NALF1: variants seen among roughly 807,000 people sequenced by gnomAD.
The protein encoded by NALF1 is NALCN channel auxiliary factor 1.
In NALF1, 3 loss-of-function variants were observed where a neutral mutation model predicts 48.4. The observed-to-expected ratio is 0.06, with a 90% CI of 0.03 to 0.16. The LOEUF is 0.16. NALF1 is among the 10% of genes least tolerant of loss of function. NALF1 has a pLI of 1.00. For synonymous variants in NALF1, 262 were observed against 245.7 expected, an observed-to-expected ratio of 1.07 and a Z score of -0.62; for missense variants, 526 against 571.5, an observed-to-expected ratio of 0.92 and a Z score of 0.81.
At chr13:107,739,329 A>T (rs1258940927) in intron 1 of NALF1, among the ~76,000 whole-genome samples, 1 of 149,760 alleles carries the variant, frequency 6.7e-6, no homozygotes, top group Non-Finnish European at 1.5e-5. Flanking sequence ...GCAAAATAAA[A>T]ATATATATAT....
chr13:107,297,106 C>T (rs574452616), intron 1 of NALF1, among the ~76,000 whole-genome samples: 2 of 152,104 alleles, frequency 1.3e-5, no homozygotes, highest in South Asian at 2.1e-4. Context: ...TTGAGCACCC[C>T]GAGCCTCTCA....
intron 1 of NALF1, among the ~76,000 whole-genome samples, chr13:107,658,112 T>G (rs1251190986): frequency 6.6e-6 from 1 of 152,184 alleles, no homozygotes; most frequent in Non-Finnish European, 1.5e-5. Flanking sequence ...CTTGTAAGAC[T>G]TGACTCTTTA....
intron 1 of NALF1, among the ~76,000 whole-genome samples, chr13:107,824,246 T>C (rs1425849597): frequency 6.6e-6 from 1 of 152,162 alleles, no homozygotes; most frequent in Non-Finnish European, 1.5e-5. Context: ...TGATTGTTAA[T>C]ATAGGGACCA....
chr13:107,187,077 T>C (rs1275178853), intron 2 of NALF1, among the ~76,000 whole-genome samples: 1 of 152,178 alleles, frequency 6.6e-6, no homozygotes, highest in Non-Finnish European at 1.5e-5. Flanking sequence ...ATGCTTCCCA[T>C]CTCTCTGATC....
intron 1 of NALF1, among the ~76,000 whole-genome samples, chr13:107,427,283 C>T (rs779633272): frequency 1.7e-4 from 26 of 151,718 alleles, no homozygotes; most frequent in Non-Finnish European, 3.4e-4. Flanking sequence ...ATAATCCTGG[C>T]TCTAAAATAC....
chr13:107,169,714 C>T lies in NALF1; in HGVS notation c.*783G>A, dbSNP rs1451609503. ...CTGATTCCACCTATTATGGAGAGCA[C>T]TTGTTTGTTCAGCTAAAAAGGAACT... On this transcript the variant is annotated 3_prime_UTR_variant, in exon 3 of 3. Transcript: ENST00000375915. The T allele has an allele frequency of 6.6e-6, 1 of 152,494 alleles. No homozygotes were observed. Among genetic ancestry groups the T allele is most frequent in the Non-Finnish European group, 1.5e-5 (1 of 68,032 alleles). The allele number at this position is 152,494 out of a possible 1,614,324, so 9.4% of individuals were successfully genotyped here.
rs528988291 is a variant in NALF1, at chr13:107,207,203, A to G, written c.1087+3381T>C. Among the ~76,000 whole-genome samples, 6 of 151,976 alleles carry G rather than the reference A, an allele frequency of 3.9e-5. No individual in the cohort carries two copies. The East Asian group carries it at 1.2e-3, about 29-fold the overall frequency. ...TTCTGGGCATACCATCTCCCTTCCC[A>G]TTTCTTTTTTCCCTTAAACTTTGAT... On this transcript the variant is annotated intron_variant, in intron 2 of 2. Coordinates refer to ENST00000375915, the MANE Select transcript of NALF1 (RefSeq NM_001080396.3).
chr13:107,419,988 C>A (rs554021852), intron 1 of NALF1, among the ~76,000 whole-genome samples: 1 of 152,092 alleles, frequency 6.6e-6, no homozygotes, highest in Non-Finnish European at 1.5e-5. Flanking sequence ...AAAAATGGAA[C>A]TGAAAAGTAA....
intron 1 of NALF1, among the ~76,000 whole-genome samples, chr13:107,315,527 A>T (rs1882130586): frequency 1.3e-5 from 2 of 152,106 alleles, no homozygotes; most frequent in South Asian, 4.1e-4. Flanking sequence ...AATACATAAA[A>T]ACTACAGGCA....
chr13:107,352,719 C>A (rs966554064), intron 1 of NALF1, among the ~76,000 whole-genome samples: 2 of 152,164 alleles, frequency 1.3e-5, no homozygotes, highest in Non-Finnish European at 2.9e-5. Context: ...ACCTCAAACA[C>A]TGGCATTTTG....
chr13:107,444,402 T>C (rs1234729727), intron 1 of NALF1, among the ~76,000 whole-genome samples: 2 of 152,208 alleles, frequency 1.3e-5, no homozygotes, highest in Non-Finnish European at 1.5e-5. Context: ...GGAGATTGTA[T>C]GAGCTTTTCT....
intron 1 of NALF1, among the ~76,000 whole-genome samples, chr13:107,218,864 A>G (rs1879933366): frequency 6.6e-6 from 1 of 152,202 alleles, no homozygotes; most frequent in African/African-American, 2.4e-5. Context: ...TTAAACGGAC[A>G]CACTACTTTG....
intron 1 of NALF1, among the ~76,000 whole-genome samples, chr13:107,483,113 T>G (rs1325173949): frequency 6.6e-6 from 1 of 152,214 alleles, no homozygotes; most frequent in African/African-American, 2.4e-5. Context: ...CACAATGCAC[T>G]GATTATGTCT....
At chr13:107,249,515 G>A (rs372849774) in intron 1 of NALF1, among the ~76,000 whole-genome samples, 69 of 152,138 alleles carry the variant, frequency 4.5e-4, no homozygotes, top group African/African-American at 1.6e-3. Flanking sequence ...AATATTTAGT[G>A]AGTGACCGTA....
intron 1 of NALF1, among the ~76,000 whole-genome samples, chr13:107,698,234 A>G (rs959626293): frequency 1.3e-5 from 2 of 152,180 alleles, no homozygotes; most frequent in African/African-American, 4.8e-5. Context: ...AATATAGTCA[A>G]TATCTTTGGG....
At chr13:107,554,990 C>T (rs1439899286) in intron 1 of NALF1, among the ~76,000 whole-genome samples, 2 of 152,120 alleles carry the variant, frequency 1.3e-5, no homozygotes, top group African/African-American at 4.8e-5. Flanking sequence ...TGCTGAATAA[C>T]ATTTTTCTCT....
chr13:107,481,216 CATA>C (rs1885248787), intron 1 of NALF1, among the ~76,000 whole-genome samples: 1 of 152,074 alleles, frequency 6.6e-6, no homozygotes, highest in African/African-American at 2.4e-5. Context: ...GCAGTTCTAT[CATA>C]ATGTCATTGA....
At chr13:107,534,309 G>T (rs2181650) in intron 1 of NALF1, among the ~76,000 whole-genome samples, 65,451 of 151,812 alleles carry the variant, frequency 0.43, 16,341 homozygotes, top group Non-Finnish European at 0.56. Context: ...TTTTAAAATT[G>T]CTAAAATATG....
chr13:107,445,861 C>G (rs1181057421), intron 1 of NALF1, among the ~76,000 whole-genome samples: 1 of 152,118 alleles, frequency 6.6e-6, no homozygotes, highest in African/African-American at 2.4e-5. Context: ...TGGCATAATG[C>G]CACCAATTCA....
Sources: gnomAD v4.1 joint callset for allele counts (sites outside exome capture counted in the v4.1 genomes callset) on GRCh38, gnomAD v4.1.1 for gene constraint, MANE v1.5 for transcripts, NCBI Gene and HGNC (gene_info 2026-07-23, HGNC 2026-07-21) for gene names.